SNX29: variants seen among roughly 807,000 people sequenced by gnomAD.
SNX29 encodes the protein sorting nexin 29, also known as sorting nexin-29.
A neutral mutation model predicts 102.1 loss-of-function variants in SNX29; 78 were observed. The observed-to-expected ratio is 0.76, with a 90% CI of 0.64 to 0.92. SNX29 has a LOEUF of 0.92. Ranked by LOEUF, SNX29 falls within the 40% of genes least tolerant of loss-of-function variation. SNX29 has a pLI of 0.00. For synonymous variants in SNX29, 580 were observed against 414.5 expected, an observed-to-expected ratio of 1.40 and a Z score of -4.85; for missense variants, 1,280 against 1,061.7, an observed-to-expected ratio of 1.21 and a Z score of -2.86.
At chr16:12,466,438 T>C (rs539975191) in intron 18 of SNX29, among the ~76,000 whole-genome samples, 95 of 152,338 alleles carry the variant, frequency 6.2e-4, no homozygotes, top group African/African-American at 2.2e-3. Context: ...AATAAAACTT[T>C]ATATACAGCA....
chr16:12,512,369 A>ATATATATATATATAT lies in SNX29; in HGVS notation c.2179-12333_2179-12332insTATATATATATATAT, dbSNP rs2089660367. Reference sequence around the variant, plus strand: ...CGTCCATCATGGAAGGCCCAGGGAAAATATATATATATATATATATATATA... The same window carrying ATATATATATATATAT: ...CGTCCATCATGGAAGGCCCAGGGAAATATATATATATATATATATATATATATATATATATATATA... On this transcript the variant is annotated intron_variant, in intron 19 of 20. Transcript: ENST00000566228. Among the ~76,000 whole-genome samples, 17 of 43,934 alleles carry ATATATATATATATAT rather than the reference A, an allele frequency of 3.9e-4. 4 individuals are homozygous for ATATATATATATATAT. Among genetic ancestry groups the ATATATATATATATAT allele is most frequent in the Non-Finnish European group, 6.3e-4 (15 of 23,756 alleles). 28.8% of individuals were successfully genotyped at this position (43,934 alleles called of 152,430 possible).
chr16:12,567,762 A>G (rs900228060), intron 20 of SNX29, among the ~76,000 whole-genome samples: 2 of 152,214 alleles, frequency 1.3e-5, no homozygotes, highest in African/African-American at 4.8e-5. Context: ...GACTGTCTCC[A>G]GAAAATACAA....
intron 11 of SNX29, chr16:12,087,974 C>G: frequency 2.2e-6 from 1 of 456,712 alleles, no homozygotes. Context: ...GTCCTCATGG[C>G]TAGACCCTGT....
At chr16:12,219,258 CT>C (rs111884811) in intron 14 of SNX29, among the ~76,000 whole-genome samples, 3,961 of 143,624 alleles carry the variant, frequency 0.028, 108 homozygotes, top group African/African-American at 0.08. Context: ...TCTACATCAT[CT>C]TTTTTTTTTT....
chr16:12,085,400 C>T (rs1047211043), intron 11 of SNX29, among the ~76,000 whole-genome samples: 1 of 152,146 alleles, frequency 6.6e-6, no homozygotes, highest in Non-Finnish European at 1.5e-5. Context: ...AATCTCGGCT[C>T]ACTGCAACCT....
At chr16:12,488,170 G>T (rs1316323005) in intron 19 of SNX29, among the ~76,000 whole-genome samples, 2 of 152,024 alleles carry the variant, frequency 1.3e-5, no homozygotes, top group African/African-American at 2.4e-5. Flanking sequence ...ATAGACAAAA[G>T]AATCCAGAGC....
In SNX29 at chr16:12,569,463, A is replaced by T. The variant is rs1367341486; in HGVS notation, c.*834A>T. 2 of 231,226 alleles carry T rather than the reference A, an allele frequency of 8.6e-6. No individual in the cohort carries two copies. The highest frequency in any genetic ancestry group is 4.4e-5 in the African/African-American group (2 of 45,210). The allele number at this position is 231,226 out of a possible 1,614,324, so 14.3% of individuals were successfully genotyped here. A position where few individuals can be genotyped will look rare whatever the true frequency, so the allele number is the denominator to read the frequency against. ...AGCATTGGCCCTACAGTCATGAGAG[A>T]CTTGGGTCAGGGAACCACTGCAGAA... On this transcript the variant is annotated 3_prime_UTR_variant, in exon 21 of 21. Coordinates refer to ENST00000566228, the MANE Select transcript of SNX29 (RefSeq NM_032167.5).
At chr16:12,206,687 T>C (rs1048041153) in intron 14 of SNX29, among the ~76,000 whole-genome samples, 2 of 152,246 alleles carry the variant, frequency 1.3e-5, no homozygotes, top group South Asian at 4.2e-4. Flanking sequence ...GTCCCGTCTT[T>C]CCATCTCTTC....
rs76632929 is a variant in SNX29, at chr16:12,092,060, G to A, written c.1402+13145G>A. Reference sequence around the variant, plus strand: ...TCCCTGGCCGTCCATCTAGAAGAGCGCAGCACAGGCAATCTCATCCCATCC... The same window carrying A: ...TCCCTGGCCGTCCATCTAGAAGAGCACAGCACAGGCAATCTCATCCCATCC... On this transcript the variant is annotated intron_variant, in intron 11 of 20. Transcript: ENST00000566228. Among the ~76,000 whole-genome samples, 16 of 152,280 alleles carry A rather than the reference G, an allele frequency of 1.1e-4. No homozygotes were observed. The East Asian group carries it at 3.1e-3, about 29-fold the overall frequency.
At chr16:12,527,709 G>A (rs1018286984) in intron 20 of SNX29, among the ~76,000 whole-genome samples, 18 of 152,164 alleles carry the variant, frequency 1.2e-4, no homozygotes, top group African/African-American at 4.1e-4. Context: ...ACCATAGCCC[G>A]TGTTTTTGGG....
intron 16 of SNX29, among the ~76,000 whole-genome samples, chr16:12,392,219 C>CA (rs1362790505): frequency 6.6e-6 from 1 of 152,222 alleles, no homozygotes; most frequent in African/African-American, 2.4e-5. Context: ...CATAGCTGCG[C>CA]AGCCTGGCTA....
chr16:12,210,677 A>G (rs914421832), intron 14 of SNX29, among the ~76,000 whole-genome samples: 2 of 151,614 alleles, frequency 1.3e-5, no homozygotes, highest in Non-Finnish European at 2.9e-5. Flanking sequence ...TCCTTGCTTC[A>G]GGTTGTAGCC....
At chr16:12,524,387 T>G (rs573665404) in intron 19 of SNX29, among the ~76,000 whole-genome samples, 1 of 151,914 alleles carries the variant, frequency 6.6e-6, no homozygotes, top group Non-Finnish European at 1.5e-5. Context: ...GTGTGTTCAT[T>G]GTTCTACCCT....
At chr16:12,341,740 C>G (rs2081615964) in intron 15 of SNX29, among the ~76,000 whole-genome samples, 1 of 152,326 alleles carries the variant, frequency 6.6e-6, no homozygotes, top group South Asian at 2.1e-4. Context: ...AAACATTTGT[C>G]ACTTCCACCT....
At chr16:12,284,862 T>C (rs967610705) in intron 15 of SNX29, among the ~76,000 whole-genome samples, 1 of 152,018 alleles carries the variant, frequency 6.6e-6, no homozygotes, top group African/African-American at 2.4e-5. Context: ...GTAGCTGAGA[T>C]TACAGATGCG....
At chr16:12,435,686 C>G (rs756605335) in intron 18 of SNX29, among the ~76,000 whole-genome samples, 1 of 152,232 alleles carries the variant, frequency 6.6e-6, no homozygotes, top group Non-Finnish European at 1.5e-5. Context: ...AGTCTGGGTC[C>G]TCAGCCTTGT....
At chr16:12,437,760 C>G (rs2085602791) in intron 18 of SNX29, among the ~76,000 whole-genome samples, 1 of 152,118 alleles carries the variant, frequency 6.6e-6, no homozygotes, top group Non-Finnish European at 1.5e-5. Context: ...GGTGAAATCT[C>G]AAAAATGCAC....
chr16:12,011,482 C>T (rs1365089628), intron 3 of SNX29, among the ~76,000 whole-genome samples: 3 of 151,864 alleles, frequency 2.0e-5, no homozygotes, highest in Non-Finnish European at 2.9e-5. Flanking sequence ...ACCATGTTGG[C>T]CAGGCTGTTC....
intron 3 of SNX29, among the ~76,000 whole-genome samples, chr16:12,004,188 A>G (rs1228671031): frequency 6.6e-6 from 1 of 151,790 alleles, no homozygotes; most frequent in Non-Finnish European, 1.5e-5. Context: ...AAAAATACAA[A>G]AAATTAGCCA....
Sources: allele counts gnomAD v4.1 joint callset (sites outside exome capture counted in the v4.1 genomes callset), GRCh38; gene constraint gnomAD v4.1.1; transcripts MANE v1.5; gene names NCBI Gene and HGNC (gene_info 2026-07-23, HGNC 2026-07-21).